Variants in CNBD1 observed in about 807,000 individuals in gnomAD.
CNBD1 encodes the protein cyclic nucleotide binding domain containing 1.
CNBD1 carries 71 observed loss-of-function variants against 54.4 expected under a neutral mutation model. The observed-to-expected ratio is 1.30, with a 90% CI of 1.08 to 1.59. The LOEUF is 1.59. CNBD1 is among the 40% of genes most tolerant of loss of function. CNBD1 has a pLI of 0.00. For missense variants in CNBD1, 659 were observed against 518.0 expected, an observed-to-expected ratio of 1.27 and a Z score of -2.64; for synonymous variants, 182 against 170.7, an observed-to-expected ratio of 1.07 and a Z score of -0.51.
chr8:87,016,638 T>C (rs770545875), intron 4 of CNBD1, among the ~76,000 whole-genome samples: 1 of 152,222 alleles, frequency 6.6e-6, no homozygotes, highest in Non-Finnish European at 1.5e-5. Flanking sequence ...CTTTAGTGGA[T>C]TGTAGAAATA....
At position 87,322,907 on chromosome 8, in the gene CNBD1, A is replaced by C. The variant is rs1157552250; in HGVS notation, c.1043-28778A>C. ...GCCTAGGTCCTGAATGGTAATGCCT[A>C]GGTTTTCTTCTAGGGTTTTTATGGT... On this transcript the variant is annotated intron_variant, in intron 8 of 10. Coordinates refer to ENST00000518476, the MANE Select transcript of CNBD1 (RefSeq NM_173538.3). Among the ~76,000 whole-genome samples, 297 of 115,288 alleles carry C rather than the reference A, an allele frequency of 2.6e-3. 4 individuals are homozygous for C. The highest frequency in any genetic ancestry group is 9.6e-3 in the African/African-American group (284 of 29,698). The allele number at this position is 115,288 out of a possible 152,430, so 75.6% of individuals were successfully genotyped here. A position where few individuals can be genotyped will look rare whatever the true frequency, so the allele number is the denominator to read the frequency against.
At chr8:87,337,851 T>C (rs1324875114) in intron 8 of CNBD1, among the ~76,000 whole-genome samples, 1 of 152,218 alleles carries the variant, frequency 6.6e-6, no homozygotes, top group African/African-American at 2.4e-5. Context: ...GTGCAGGATT[T>C]GCATGCTGCT....
chr8:87,343,170 A>G (rs1301801662), intron 8 of CNBD1, among the ~76,000 whole-genome samples: 2 of 152,080 alleles, frequency 1.3e-5, no homozygotes, highest in Non-Finnish European at 2.9e-5. Flanking sequence ...AGGCAGTCAG[A>G]CCTTATGGTT....
intron 4 of CNBD1, among the ~76,000 whole-genome samples, chr8:87,197,068 G>T (rs1813737909): frequency 6.6e-6 from 1 of 152,068 alleles, no homozygotes; most frequent in Non-Finnish European, 1.5e-5. Context: ...CACTGTATGT[G>T]GTCTGGATAA....
intron 8 of CNBD1, among the ~76,000 whole-genome samples, chr8:87,297,260 CTAAT>C (rs1490019941): frequency 3.3e-5 from 5 of 150,118 alleles, no homozygotes; most frequent in East Asian, 4.0e-4. Flanking sequence ...ATAAAAATTA[CTAAT>C]TAGACACTTT....
At chr8:87,225,908 C>T (rs1162818373) in intron 5 of CNBD1, among the ~76,000 whole-genome samples, 1 of 149,994 alleles carries the variant, frequency 6.7e-6, no homozygotes, top group East Asian at 1.9e-4. Flanking sequence ...ATTATTGCCA[C>T]AATTTCAGCT....
intron 8 of CNBD1, among the ~76,000 whole-genome samples, chr8:87,309,240 A>C (rs113244726): frequency 2.1e-4 from 32 of 152,252 alleles, no homozygotes; most frequent in African/African-American, 6.3e-4. Flanking sequence ...CATTCTCATC[A>C]GCATTTGTTA....
intron 4 of CNBD1, among the ~76,000 whole-genome samples, chr8:87,200,480 CT>C (rs1167238561): frequency 6.6e-6 from 1 of 151,892 alleles, no homozygotes; most frequent in East Asian, 1.9e-4. Flanking sequence ...ACAATTAGTT[CT>C]TTAAAAAGAT....
At chr8:87,187,390 T>C (rs1379514677) in intron 4 of CNBD1, among the ~76,000 whole-genome samples, 1 of 152,032 alleles carries the variant, frequency 6.6e-6, no homozygotes, top group Non-Finnish European at 1.5e-5. Context: ...TAAATTACCA[T>C]GGTTCTAACT....
At chr8:86,975,954 T>C (rs543212923) in intron 4 of CNBD1, among the ~76,000 whole-genome samples, 25 of 152,064 alleles carry the variant, frequency 1.6e-4, no homozygotes, top group Middle Eastern at 3.4e-3. Flanking sequence ...TTCATTTTGG[T>C]TTTAATTTAT....
At chr8:87,284,359 T>G (rs1399592846) in intron 6 of CNBD1, among the ~76,000 whole-genome samples, 2 of 152,146 alleles carry the variant, frequency 1.3e-5, no homozygotes, top group Admixed American at 6.6e-5. Context: ...TATATATAAG[T>G]GTACAAAATT....
chr8:87,063,160 C>T (rs1810580103), intron 4 of CNBD1, among the ~76,000 whole-genome samples: 2 of 152,270 alleles, frequency 1.3e-5, no homozygotes, highest in South Asian at 2.1e-4. Flanking sequence ...TCAAGCAACC[C>T]TATCATATGA....
intron 3 of CNBD1, among the ~76,000 whole-genome samples, chr8:86,912,741 A>C (rs955189103): frequency 6.6e-6 from 1 of 152,180 alleles, no homozygotes; most frequent in African/African-American, 2.4e-5. Flanking sequence ...ACAACCTCAG[A>C]CAGTCCCTTC....
At chr8:86,958,229 G>A (rs145559120) in intron 4 of CNBD1, among the ~76,000 whole-genome samples, 1,897 of 152,280 alleles carry the variant, frequency 0.012, 30 homozygotes, top group African/African-American at 0.036. Context: ...TACATTTGCT[G>A]AGGAGTGCTT....
intron 2 of CNBD1, among the ~76,000 whole-genome samples, chr8:87,427,510 A>G (rs997908838): frequency 6.6e-6 from 1 of 152,164 alleles, no homozygotes; most frequent in Non-Finnish European, 1.5e-5. Flanking sequence ...TTGAAGAAAA[A>G]ATGTAATATG....
intron 6 of CNBD1, among the ~76,000 whole-genome samples, chr8:87,275,586 GCTAT>G (rs1320633614): frequency 6.6e-6 from 1 of 151,532 alleles, no homozygotes; most frequent in African/African-American, 2.4e-5. Context: ...AATAATAAGA[GCTAT>G]CTGTGACAAA....
chr8:86,937,766 G>A (rs759047676), intron 3 of CNBD1, among the ~76,000 whole-genome samples: 1 of 151,912 alleles, frequency 6.6e-6, no homozygotes, highest in Admixed American at 6.6e-5. Context: ...GGCTTGTGAT[G>A]GTGGGGGCTG....
intron 5 of CNBD1, among the ~76,000 whole-genome samples, chr8:87,215,956 A>G (rs1441157823): frequency 1.3e-5 from 2 of 152,230 alleles, no homozygotes; most frequent in East Asian, 1.9e-4. Flanking sequence ...ATTTATTCTG[A>G]ACATTTTGCA....
intron 4 of CNBD1, among the ~76,000 whole-genome samples, chr8:87,143,275 G>C (rs1046761210): frequency 6.6e-6 from 1 of 152,092 alleles, no homozygotes; most frequent in African/African-American, 2.4e-5. Context: ...ATTCTTTGAA[G>C]TGGGCATGAC....
Sources: gnomAD v4.1 joint callset for allele counts (sites outside exome capture counted in the v4.1 genomes callset) on GRCh38, gnomAD v4.1.1 for gene constraint, MANE v1.5 for transcripts, NCBI Gene and HGNC (gene_info 2026-07-23, HGNC 2026-07-21) for gene names.